Variants in TCF4 observed in about 807,000 individuals in gnomAD.
TCF4 encodes the protein SL3-3 enhancer factor 2.
In TCF4, 3 loss-of-function variants were observed where a neutral mutation model predicts 82.1. The ratio of observed to expected loss-of-function variants is 0.04; its 90% confidence interval spans 0.02 to 0.09. TCF4 has a LOEUF of 0.09. Ranked by LOEUF, TCF4 falls within the 10% of genes least tolerant of loss-of-function variation. The probability of loss-of-function intolerance (pLI) is 1.00; values close to 1 mark genes in which losing one functional copy is unlikely to be tolerated. For missense variants in TCF4, 518 were observed against 852.7 expected (o/e 0.61, Z 4.89); for synonymous variants, 276 against 309.6 (o/e 0.89, Z 1.14).
chr18:55,302,403 ACT>A, intron 8 of TCF4: 1 of 1,536,142 alleles, frequency 6.5e-7, no homozygotes. Flanking sequence ...CTTTGGGGAG[ACT>A]CTGACCTTAC....
At chr18:55,510,591 C>T in intron 3 of TCF4, 1 of 1,510,942 alleles carries the variant, frequency 6.6e-7, no homozygotes, top group Non-Finnish European at 8.8e-7. Context: ...CTGCTGTCCT[C>T]TTCCATATGA....
intron 3 of TCF4, among the ~76,000 whole-genome samples, chr18:55,564,727 C>T (rs1024628114): frequency 1.3e-5 from 2 of 152,054 alleles, no homozygotes; most frequent in Non-Finnish European, 2.9e-5. Flanking sequence ...GCAATATATA[C>T]GTGAGCTGTC....
intron 2 of TCF4, among the ~76,000 whole-genome samples, chr18:55,629,722 G>C (rs1398906362): frequency 6.6e-6 from 1 of 152,152 alleles, no homozygotes; most frequent in African/African-American, 2.4e-5. Flanking sequence ...GTACAGAAGA[G>C]ACCAACAAAG....
chr18:55,627,492 A>C (rs602161), intron 2 of TCF4, among the ~76,000 whole-genome samples: 2 of 152,198 alleles, frequency 1.3e-5, no homozygotes, highest in Non-Finnish European at 2.9e-5. Context: ...GGCTGGGCGC[A>C]GTGGCTCACA....
intron 8 of TCF4, among the ~76,000 whole-genome samples, chr18:55,329,754 C>T (rs1301066000): frequency 6.6e-6 from 1 of 152,106 alleles, no homozygotes; most frequent in African/African-American, 2.4e-5. Context: ...TGCCAAAGGC[C>T]AAATTATGGT....
chr18:55,561,359 C>T (rs1218411213), intron 3 of TCF4, among the ~76,000 whole-genome samples: 3 of 152,276 alleles, frequency 2.0e-5, no homozygotes, highest in African/African-American at 4.8e-5. Context: ...TATTTTATTT[C>T]TCATTTTTTC....
intron 2 of TCF4, among the ~76,000 whole-genome samples, chr18:55,612,700 C>T (rs562092317): frequency 3.9e-5 from 6 of 152,196 alleles, no homozygotes; most frequent in South Asian, 2.1e-4. Flanking sequence ...GTAATCCCAG[C>T]GCTATGGGAG....
chr18:55,505,601 G>A (rs1030867599), intron 3 of TCF4, among the ~76,000 whole-genome samples: 5 of 151,656 alleles, frequency 3.3e-5, no homozygotes, highest in South Asian at 4.2e-4. Context: ...TCAGGAGATC[G>A]AGACCATCCC....
chr18:55,540,321 AC>A (rs1371300289), intron 3 of TCF4, among the ~76,000 whole-genome samples: 1 of 152,110 alleles, frequency 6.6e-6, no homozygotes, highest in African/African-American at 2.4e-5. Flanking sequence ...AACAAAAAAA[AC>A]AGAATATTGT....
At chr18:55,621,004 A>G (rs2097717390) in intron 2 of TCF4, among the ~76,000 whole-genome samples, 1 of 152,148 alleles carries the variant, frequency 6.6e-6, no homozygotes, top group African/African-American at 2.4e-5. Context: ...TAGTATGCAC[A>G]ATCAGCTATT....
At chr18:55,342,422 C>T (rs1447180430) in intron 8 of TCF4, among the ~76,000 whole-genome samples, 1 of 152,144 alleles carries the variant, frequency 6.6e-6, no homozygotes, top group Non-Finnish European at 1.5e-5. Flanking sequence ...ACTCCTGAAT[C>T]ATATGCCTGA....
intron 3 of TCF4, among the ~76,000 whole-genome samples, chr18:55,480,304 G>A (rs1236331408): frequency 3.9e-5 from 5 of 127,460 alleles, no homozygotes; most frequent in Non-Finnish European, 6.5e-5. Context: ...AAAGCGGGGG[G>A]GCGGGGGGAG....
chr18:55,477,430 C>T (rs927842889), intron 3 of TCF4, among the ~76,000 whole-genome samples: 2 of 152,238 alleles, frequency 1.3e-5, no homozygotes, highest in Admixed American at 6.5e-5. Context: ...ACAAGGAATA[C>T]TTGCTGAAAG....
intron 5 of TCF4, among the ~76,000 whole-genome samples, chr18:55,419,677 ATTC>A (rs1333856352): frequency 6.6e-6 from 1 of 152,172 alleles, no homozygotes; most frequent in Non-Finnish European, 1.5e-5. Flanking sequence ...TCCTAAGTGG[ATTC>A]TTTTTTCTCA....
chr18:55,519,550 T>C (rs191016198), intron 3 of TCF4, among the ~76,000 whole-genome samples: 7 of 152,320 alleles, frequency 4.6e-5, no homozygotes, highest in Admixed American at 4.6e-4. Context: ...AGAGATACTT[T>C]GGCAAATTTG....
intron 8 of TCF4, among the ~76,000 whole-genome samples, chr18:55,349,861 C>A (rs1433612965): frequency 6.6e-6 from 1 of 152,090 alleles, no homozygotes; most frequent in Non-Finnish European, 1.5e-5. Flanking sequence ...GTAGTAAAGA[C>A]ACAAATGGCT....
intron 15 of TCF4, among the ~76,000 whole-genome samples, chr18:55,245,488 C>G (rs924347495): frequency 2.0e-5 from 3 of 152,208 alleles, no homozygotes; most frequent in African/African-American, 7.2e-5. Flanking sequence ...AAAGCTCGCT[C>G]TTCCTGTGGA....
At chr18:55,566,723 A>G (rs2097411036) in intron 3 of TCF4, among the ~76,000 whole-genome samples, 3 of 152,178 alleles carry the variant, frequency 2.0e-5, no homozygotes. Context: ...ATATGAGAGA[A>G]AAGTTAAGAG....
At chr18:55,540,590 T>C (rs549283117) in intron 3 of TCF4, among the ~76,000 whole-genome samples, 24 of 152,044 alleles carry the variant, frequency 1.6e-4, no homozygotes, top group Non-Finnish European at 2.8e-4. Flanking sequence ...TTATTACATA[T>C]TTGCAAAAAA....
Sources: allele counts gnomAD v4.1 joint callset (sites outside exome capture counted in the v4.1 genomes callset), GRCh38; gene constraint gnomAD v4.1.1; transcripts MANE v1.5; gene names NCBI Gene and HGNC (gene_info 2026-07-23, HGNC 2026-07-21).